The following MAMDC2 variants were observed in gnomAD, a reference collection of about 807,000 sequenced individuals.
MAMDC2 encodes MAM domain-containing protein 2.
In MAMDC2, 57 loss-of-function variants were observed where a neutral mutation model predicts 89.8. The observed-to-expected ratio is 0.63, with a 90% CI of 0.51 to 0.79. MAMDC2 has a LOEUF of 0.79. Ranked by LOEUF, MAMDC2 falls within the 30% of genes least tolerant of loss-of-function variation. The probability of loss-of-function intolerance (pLI) is 0.00; values close to 1 mark genes in which losing one functional copy is unlikely to be tolerated. For synonymous variants in MAMDC2, 313 were observed against 293.4 expected (o/e 1.07, Z -0.68); for missense variants, 800 against 820.6 (o/e 0.97, Z 0.31).
rs528278040 is a variant in MAMDC2 at position 70,085,826 on chromosome 9, C to A, written c.149-22385C>A. On this transcript the variant is annotated intron_variant, in intron 2 of 13. Coordinates refer to ENST00000377182, the MANE Select transcript of MAMDC2 (RefSeq NM_153267.5). Reference sequence around the variant, plus strand: ...AAATTACACCTCAAGAAATTTGCAACTTTTTATTTTTTATTAATATAAATT... The same window carrying A: ...AAATTACACCTCAAGAAATTTGCAAATTTTTATTTTTTATTAATATAAATT... The A allele has an allele frequency of 8.3e-4, 127 of 152,134 alleles. 1 individual carries two copies. Among genetic ancestry groups the A allele is most frequent in the African/African-American group, 3.0e-3 (124 of 41,532 alleles). 9.4% of individuals were successfully genotyped at this position (152,134 alleles called of 1,614,324 possible). A position where few individuals can be genotyped will look rare whatever the true frequency, so the allele number is the denominator to read the frequency against.
chr9:70,221,380 T>TATATATAGAGAG, intron 12 of MAMDC2, among the ~76,000 whole-genome samples: 128 of 7,042 alleles, frequency 0.018, 15 homozygotes, highest in East Asian at 0.048. Flanking sequence ...TATATATATA[T>TATATATAGAGAG]AGAGAGAGAG....
At chr9:70,168,899 C>T in intron 10 of MAMDC2, 104 bp downstream of exon 10, 2 of 968,238 alleles carry the variant, frequency 2.1e-6, no homozygotes, top group Admixed American at 2.2e-5. Context: ...CCATCCTTTG[C>T]TTTTGTTGAC....
rs2033447425 is a variant in MAMDC2 at position 70,216,429 on chromosome 9, G to C, written c.1652-1908G>C. On this transcript the variant is annotated intron_variant, in intron 11 of 13. Transcript: ENST00000377182. ...CTTTCTTGGTGTGTGCGCCTGAAGA[G>C]AGAGAGAGAACAAGCTCCCTGCTGT... is the stretch of plus-strand genomic sequence containing the variant. 5 of 152,118 alleles carry C rather than the reference G, an allele frequency of 3.3e-5. No individual in the cohort carries two copies. The South Asian group carries it at 8.3e-4, about 25-fold the overall frequency. The allele number at this position is 152,118 out of a possible 1,614,324, so 9.4% of individuals were successfully genotyped here.
chr9:70,180,439 ACT>A (rs2032621281), intron 11 of MAMDC2, among the ~76,000 whole-genome samples: 3 of 152,196 alleles, frequency 2.0e-5, no homozygotes, highest in African/African-American at 7.2e-5. Context: ...GAATTGCCAC[ACT>A]GTCTCCCACA....
chr9:70,181,189 C>G (rs1249724611), intron 11 of MAMDC2, among the ~76,000 whole-genome samples: 1 of 152,164 alleles, frequency 6.6e-6, no homozygotes, highest in East Asian at 1.9e-4. Flanking sequence ...TCTGAGGCCT[C>G]TGTTCTGTTC....
chr9:70,153,789 T>A (rs1484173909), intron 9 of MAMDC2: 4 of 152,188 alleles, frequency 2.6e-5, no homozygotes, highest in South Asian at 2.1e-4. Context: ...AACCAGTTTT[T>A]AAAAATATAA....
At chr9:70,170,873 A>T in intron 11 of MAMDC2, 1 of 405,438 alleles carries the variant, frequency 2.5e-6, no homozygotes, top group Non-Finnish European at 4.3e-6. Context: ...AGTTCTGCAC[A>T]CAAAGAATAG....
chr9:70,157,751 CAA>C (rs1469376999), intron 9 of MAMDC2: 1 of 152,304 alleles, frequency 6.6e-6, no homozygotes, highest in Non-Finnish European at 1.5e-5. Context: ...ATCTGAAAGG[CAA>C]ATGTCAAGTC....
In MAMDC2 at chr9:70,108,253, A is replaced by G. The variant is rs1476570960; in HGVS notation, c.191A>G (p.Glu64Gly). The G allele has an allele frequency of 1.9e-6, 3 of 1,611,168 alleles. No individual in the cohort carries two copies. The Admixed American group carries it at 5.0e-5, about 27-fold the overall frequency. ...YVDTSFGKQG[E>G]KAVLLSPDLQ... ...GATACCTCCTTTGGCAAGCAGGGGG[A>G]GAAAGCTGTGCTGCTAAGTCCTGAC... is the stretch of plus-strand genomic sequence containing the variant. Residue 64 changes from glutamate to glycine, a missense_variant, in exon 3 of 14, where the codon GAG (glutamate) becomes GGG (glycine). Glu to Gly is a moderately conservative substitution (Grantham distance 98, BLOSUM62 -2). Transcript: ENST00000377182.
chr9:70,113,555 T>A (rs1010853413), intron 5 of MAMDC2, among the ~76,000 whole-genome samples: 2 of 152,086 alleles, frequency 1.3e-5, no homozygotes, highest in African/African-American at 4.8e-5. Context: ...CAAGTGACAG[T>A]GAGGTGAGCC....
intron 11 of MAMDC2, among the ~76,000 whole-genome samples, chr9:70,182,954 T>G (rs541710846): frequency 6.6e-5 from 10 of 152,360 alleles, no homozygotes; most frequent in African/African-American, 1.4e-4. Flanking sequence ...GTGTCGATTT[T>G]AGATCTTTCC....
chr9:70,137,530 T>C (rs1376283312), intron 7 of MAMDC2, among the ~76,000 whole-genome samples: 2 of 152,192 alleles, frequency 1.3e-5, no homozygotes, highest in African/African-American at 2.4e-5. Context: ...CTTGCATCCC[T>C]GGTAGCATTT....
intron 9 of MAMDC2, chr9:70,153,779 A>G (rs2031654987): frequency 6.6e-6 from 1 of 152,118 alleles, no homozygotes; most frequent in African/African-American, 2.4e-5. Flanking sequence ...GCCCCCATCC[A>G]ACCAGTTTTT....
intron 12 of MAMDC2, among the ~76,000 whole-genome samples, chr9:70,221,192 A>G (rs1198419974): frequency 2.0e-5 from 3 of 150,762 alleles, no homozygotes; most frequent in African/African-American, 4.9e-5. Context: ...GGGAGGACGT[A>G]GAAAATGCAA....
intron 12 of MAMDC2, among the ~76,000 whole-genome samples, chr9:70,221,380 T>TATATATATATATATATATAGAG: frequency 1.4e-4 from 1 of 7,044 alleles, no homozygotes; most frequent in Non-Finnish European, 2.6e-4. Flanking sequence ...TATATATATA[T>TATATATATATATATATATAGAG]AGAGAGAGAG....
intron 2 of MAMDC2, chr9:70,071,766 A>T (rs890073501): frequency 1.6e-4 from 25 of 152,034 alleles, no homozygotes; most frequent in African/African-American, 3.6e-4. Context: ...GACAATATTT[A>T]AAAAAAATTA....
At chr9:70,147,975 C>T (rs1221733917) in intron 9 of MAMDC2, 1 of 150,420 alleles carries the variant, frequency 6.6e-6, no homozygotes, top group Non-Finnish European at 1.5e-5. Flanking sequence ...TAAAAACCAT[C>T]CTCACCTGCC....
chr9:70,176,083 A>G (rs151147196), intron 11 of MAMDC2, among the ~76,000 whole-genome samples: 1 of 152,234 alleles, frequency 6.6e-6, no homozygotes, highest in Admixed American at 6.5e-5. Flanking sequence ...TGGGTTGAAC[A>G]TTGAAGGAAC....
At chr9:70,058,050 A>G (rs1298934669) in intron 2 of MAMDC2, among the ~76,000 whole-genome samples, 2 of 152,232 alleles carry the variant, frequency 1.3e-5, no homozygotes, top group East Asian at 3.8e-4. Flanking sequence ...GACCAAAGTG[A>G]CATTTGCAAG....
Sources: gnomAD v4.1 joint callset for allele counts (sites outside exome capture counted in the v4.1 genomes callset) on GRCh38, gnomAD v4.1.1 for gene constraint, MANE v1.5 for transcripts, NCBI Gene and HGNC (gene_info 2026-07-23, HGNC 2026-07-21) for gene names.